Variants in AIFM1 observed in about 807,000 individuals in gnomAD.
The protein encoded by AIFM1 is apoptosis inducing factor mitochondria associated 1.
In AIFM1, 3 loss-of-function variants were observed where a neutral mutation model predicts 51.7. That is an observed-to-expected ratio of 0.06 (90% CI 0.03 to 0.15). AIFM1 has a LOEUF of 0.15. Among genes scored for constraint, AIFM1 ranks in the 10% least tolerant of loss-of-function variants. AIFM1 has a pLI of 1.00. For missense variants in AIFM1, 330 were observed against 476.8 expected (o/e 0.69, Z 2.87); for synonymous variants, 178 against 179.4 (o/e 0.99, Z 0.06).
At chrX:130,142,565 C>T (rs145980451) in intron 6 of AIFM1, among the ~76,000 whole-genome samples, 290 of 111,806 alleles carry the variant, frequency 2.6e-3, no homozygotes, top group African/African-American at 8.9e-3. Flanking sequence ...CGCTTTTATC[C>T]GATTGCCATC....
chrX:130,130,045 G>A lies in AIFM1; in HGVS notation c.1695C>T (p.Ile565=). The change falls in exon 15 of 16, where the codon ATC becomes ATT. Residue 565 remains isoleucine (I), a synonymous_variant. Transcript: ENST00000287295. ...VQGEDYGKGV[I]FYLRDKVVVG... ...CGACCACTTTGTCCCTGAGGTAGAAGATGACACCTTTGCCGTAGTCCTCCC... is the reference window on the plus strand; with the variant it reads ...CGACCACTTTGTCCCTGAGGTAGAAAATGACACCTTTGCCGTAGTCCTCCC... 5.8e-6 allele frequency: 7 copies of A among 1,211,923 alleles called. No individual in the cohort carries two copies. Among genetic ancestry groups the A allele is most frequent in the Non-Finnish European group, 6.7e-6 (6 of 895,565 alleles).
intron 11 of AIFM1, 59 bp downstream of exon 11, chrX:130,136,584 G>A (rs186909073): frequency 7.9e-6 from 8 of 1,019,013 alleles, no homozygotes; most frequent in Middle Eastern, 5.1e-4. Context: ...GAGTAAAAAT[G>A]AGGCAAGGGG....
chrX:130,156,944 G>A (rs954641818), intron 1 of AIFM1, among the ~76,000 whole-genome samples: 5 of 111,378 alleles, frequency 4.5e-5, no homozygotes, highest in African/African-American at 1.6e-4. Flanking sequence ...GACTGAATAG[G>A]TAGATATACA....
chrX:130,157,705 G>A (rs756333620), intron 1 of AIFM1, among the ~76,000 whole-genome samples: 255 of 111,061 alleles, frequency 2.3e-3, no homozygotes, highest in African/African-American at 7.8e-3. Flanking sequence ...GGTGGCTCAC[G>A]CCTGTAATCC....
chrX:130,140,873 T>G (rs777461274), intron 6 of AIFM1, among the ~76,000 whole-genome samples: 2 of 111,701 alleles, frequency 1.8e-5, no homozygotes, highest in Non-Finnish European at 3.8e-5. Flanking sequence ...TCCCAACACT[T>G]TGGGAGGCTG....
At chrX:130,154,235 C>T (rs992244915) in intron 2 of AIFM1, among the ~76,000 whole-genome samples, 1 of 111,853 alleles carries the variant, frequency 8.9e-6, no homozygotes, top group Non-Finnish European at 1.9e-5. Context: ...TTAGATATTT[C>T]TAAGGCAGGA....
In AIFM1 at chrX:130,145,611, C is replaced by T. The variant is rs1202801367; in HGVS notation, c.606-42G>A. On this transcript the variant is annotated intron_variant, in intron 5 of 15. Coordinates refer to ENST00000287295, the MANE Select transcript of AIFM1 (RefSeq NM_004208.4). The stretch of plus-strand genomic sequence containing the variant: ...GGGAGAATATTATAAGCATGTGGAA[C>T]TGTTATCAGCTTCCCCCGTAGCTTT... 3 of 991,686 alleles carry T rather than the reference C, an allele frequency of 3.0e-6. No individual in the cohort carries two copies. The Middle Eastern group carries it at 8.4e-4, about 276-fold the overall frequency. The allele number at this position is 991,686 out of a possible 1,213,427, so 81.7% of individuals were successfully genotyped here. A position where few individuals can be genotyped will look rare whatever the true frequency, so the allele number is the denominator to read the frequency against.
chrX:130,147,352 G>C lies in AIFM1; in HGVS notation c.605+141C>G, dbSNP rs1748407039. 8.1e-6 allele frequency: 6 copies of C among 740,009 alleles called. No homozygotes were observed. In the Admixed American group the frequency reaches 1.1e-4, roughly 14 times the overall value. The allele number at this position is 740,009 out of a possible 1,213,427, so 61.0% of individuals were successfully genotyped here. A position where few individuals can be genotyped will look rare whatever the true frequency, so the allele number is the denominator to read the frequency against. On this transcript the variant is annotated intron_variant, in intron 5 of 15. Transcript: ENST00000287295. ...CTTTGTAGACTGTTATCTCTAAGCT[G>C]TACCAAGTGTGGACCACAGTAGACT... is the stretch of plus-strand genomic sequence containing the variant.
At chrX:130,134,665 C>G (rs1294244153) in intron 12 of AIFM1, among the ~76,000 whole-genome samples, 1 of 109,741 alleles carries the variant, frequency 9.1e-6, no homozygotes, top group Non-Finnish European at 1.9e-5. Context: ...TCAAGTATTT[C>G]AAGCAGAGGG....
intron 12 of AIFM1, among the ~76,000 whole-genome samples, chrX:130,133,832 A>T (rs966824051): frequency 2.2e-4 from 23 of 105,465 alleles, no homozygotes; most frequent in Non-Finnish European, 4.5e-4. Context: ...GGGTGTTGCC[A>T]TGTTGCGCAG....
intron 1 of AIFM1, among the ~76,000 whole-genome samples, chrX:130,159,605 T>G (rs908133518): frequency 1.8e-5 from 2 of 111,016 alleles, no homozygotes; most frequent in African/African-American, 3.3e-5. Context: ...AAAATAAATT[T>G]TTTTTGTTTT....
chrX:130,150,991 A>AAAAAAAAAAAAG (rs1341180916), intron 2 of AIFM1, among the ~76,000 whole-genome samples: 4 of 104,454 alleles, frequency 3.8e-5, no homozygotes, highest in African/African-American at 1.4e-4. Flanking sequence ...AAAAAAAAAA[A>AAAAAAAAAAAAG]AAAAGAAAAG....
At chrX:130,135,763 A>G (rs1204952733) in intron 12 of AIFM1, among the ~76,000 whole-genome samples, 1 of 111,913 alleles carries the variant, frequency 8.9e-6, no homozygotes, top group Non-Finnish European at 1.9e-5. Flanking sequence ...GTGCATGCCC[A>G]CCAGGGGTTA....
chrX:130,133,151 C>T (rs1183885443), intron 13 of AIFM1, among the ~76,000 whole-genome samples, 162 bp downstream of exon 13: 2 of 111,666 alleles, frequency 1.8e-5, no homozygotes, highest in African/African-American at 3.3e-5. Flanking sequence ...ACACTTCTGC[C>T]AGATGGCTAC....
chrX:130,137,376 A>G, intron 9 of AIFM1, 191 bp from the exon 10 acceptor site: 1 of 1,155,685 alleles, frequency 8.7e-7, no homozygotes, highest in African/African-American at 1.8e-5. Context: ...ACGCAAATAC[A>G]ACAGGTATCA....
At chrX:130,161,633 ATTCTCGCTCT>A (rs2031356149) in intron 1 of AIFM1, among the ~76,000 whole-genome samples, 1 of 98,683 alleles carries the variant, frequency 1.0e-5, no homozygotes, top group Admixed American at 1.1e-4. Flanking sequence ...TTTGAGACAG[ATTCTCGCTCT>A]GTCGTCCAGG....
chrX:130,158,381 C>T (rs181445873), intron 1 of AIFM1, among the ~76,000 whole-genome samples: 2 of 112,179 alleles, frequency 1.8e-5, no homozygotes, highest in Admixed American at 9.4e-5. Context: ...AGTTGGCAGA[C>T]CCCGATCTAG....
intron 9 of AIFM1, among the ~76,000 whole-genome samples, chrX:130,138,328 G>A (rs976071788): frequency 9.0e-6 from 1 of 110,709 alleles, no homozygotes; most frequent in Non-Finnish European, 1.9e-5. Flanking sequence ...AGCCAGGCGT[G>A]GTTACAGGCG....
Position 130,138,612 on chromosome X carries a change from G to T in AIFM1, c.948C>A (p.Ala316=), listed in dbSNP as rs148184613. The change falls in exon 9 of 16, where the codon GCC becomes GCA. Residue 316 remains alanine, a synonymous_variant. Transcript: ENST00000287295. ...ACTCACCCTTTCTGCCAAGAGCACAGGCCAGTTCGCTACCAAGGAAGCCCC... is the reference window on the plus strand; with the variant it reads ...ACTCACCCTTTCTGCCAAGAGCACATGCCAGTTCGCTACCAAGGAAGCCCC... ...IGGGFLGSEL[A]CALGRKARAL... 2.4e-4 allele frequency: 295 copies of T among 1,206,940 alleles called. 1 individual carries two copies. The African/African-American group carries it at 4.9e-3, about 20-fold the overall frequency.
Sources: allele counts gnomAD v4.1 joint callset (sites outside exome capture counted in the v4.1 genomes callset), GRCh38; gene constraint gnomAD v4.1.1; transcripts MANE v1.5; gene names NCBI Gene and HGNC (gene_info 2026-07-23, HGNC 2026-07-21).